DST: variants seen among roughly 807,000 people sequenced by gnomAD.
The protein encoded by DST is bullous pemphigoid antigen.
In DST, 253 loss-of-function variants were observed where a neutral mutation model predicts 875.2. That is an observed-to-expected ratio of 0.29 (90% CI 0.26 to 0.32). The LOEUF is 0.32. Among genes scored for constraint, DST ranks in the 10% least tolerant of loss-of-function variants. The pLI is 1.00. For synonymous variants in DST, 3,124 were observed against 3,197.1 expected, an observed-to-expected ratio of 0.98 and a Z score of 0.77; for missense variants, 8,287 against 9,111.6, an observed-to-expected ratio of 0.91 and a Z score of 3.68.
chr6:56,689,268 C>T lies in DST; in HGVS notation c.1047+10385G>A, dbSNP rs1443868630. Among the ~76,000 whole-genome samples the T allele has an allele frequency of 3.3e-5, 5 of 152,086 alleles. No individual in the cohort carries two copies. The East Asian group carries it at 9.6e-4, about 29-fold the overall frequency. ...TATCCTCCTTTTATAGAAAATGAAACTGAGACCTAGAGAAATAAAGAAGAC... is the reference window on the plus strand; with the variant it reads ...TATCCTCCTTTTATAGAAAATGAAATTGAGACCTAGAGAAATAAAGAAGAC... On this transcript the variant is annotated intron_variant, in intron 9 of 103. Coordinates refer to ENST00000680361, the MANE Select transcript of DST (RefSeq NM_001374736.1).
chr6:56,716,882 T>C (rs2099396339), intron 5 of DST, among the ~76,000 whole-genome samples: 1 of 152,104 alleles, frequency 6.6e-6, no homozygotes, highest in African/African-American at 2.4e-5. Context: ...GTTCGATTCT[T>C]ATAACAAGCA....
At chr6:56,593,516 CAA>C (rs58251502) in intron 48 of DST, 145 bp downstream of exon 48, 1,802 of 316,510 alleles carry the variant, frequency 5.7e-3, no homozygotes, top group South Asian at 0.012. Context: ...GACTCCTTCT[CAA>C]AAAAAAAAAA....
intron 49 of DST, among the ~76,000 whole-genome samples, chr6:56,585,131 C>T (rs1237828407): frequency 3.1e-4 from 46 of 150,550 alleles, no homozygotes; most frequent in Non-Finnish European, 6.1e-4. Flanking sequence ...GGAGGATTCC[C>T]TCTTTTTCTA....
intron 5 of DST, among the ~76,000 whole-genome samples, chr6:56,724,345 A>G (rs1022618414): frequency 6.6e-6 from 1 of 152,242 alleles, no homozygotes; most frequent in Non-Finnish European, 1.5e-5. Flanking sequence ...AACTGTACTT[A>G]AATCTAAGAT....
chr6:56,780,222 G>A (rs375827892), intron 4 of DST, among the ~76,000 whole-genome samples: 1 of 151,746 alleles, frequency 6.6e-6, no homozygotes, highest in Non-Finnish European at 1.5e-5. Context: ...ATGATTTATA[G>A]TCCTTTGGGT....
chr6:56,525,581 A>G (rs897482943), intron 69 of DST, among the ~76,000 whole-genome samples: 1 of 152,208 alleles, frequency 6.6e-6, no homozygotes, highest in African/African-American at 2.4e-5. Context: ...ATACTAGTAA[A>G]AGCTTAGTCA....
At chr6:56,779,609 C>T (rs1314162966) in intron 4 of DST, among the ~76,000 whole-genome samples, 1 of 151,914 alleles carries the variant, frequency 6.6e-6, no homozygotes, top group Non-Finnish European at 1.5e-5. Context: ...ATATAGCTAG[C>T]CAGTTTTCCC....
chr6:56,637,444 T>A (rs1023803005), intron 22 of DST, among the ~76,000 whole-genome samples: 2 of 152,168 alleles, frequency 1.3e-5, no homozygotes, highest in South Asian at 4.1e-4. Context: ...TTTCTCTGAA[T>A]TTTTACGGTG....
At chr6:56,939,660 AT>A (rs907110485) in intron 2 of DST, among the ~76,000 whole-genome samples, 1 of 152,126 alleles carries the variant, frequency 6.6e-6, no homozygotes, top group South Asian at 2.1e-4. Flanking sequence ...CTGTTTTTGC[AT>A]TTTTTTATTT....
chr6:56,707,507 A>G (rs1445267510), intron 5 of DST, among the ~76,000 whole-genome samples: 1 of 152,212 alleles, frequency 6.6e-6, no homozygotes. Flanking sequence ...CTCAGTACAC[A>G]GAAGGACAGT....
intron 3 of DST, among the ~76,000 whole-genome samples, chr6:56,888,020 G>A (rs545319589): frequency 1.3e-5 from 2 of 149,716 alleles, no homozygotes; most frequent in African/African-American, 2.5e-5. Context: ...GTGCGATCTC[G>A]GCTCACTGCA....
At chr6:56,671,401 A>T (rs2099100850) in intron 9 of DST, among the ~76,000 whole-genome samples, 1 of 152,240 alleles carries the variant, frequency 6.6e-6, no homozygotes, top group Admixed American at 6.5e-5. Context: ...TGAAAGAAAT[A>T]GTATTCTCTC....
intron 58 of DST, 99 bp from the exon 59 acceptor site, chr6:56,557,617 G>T: frequency 3.4e-6 from 3 of 893,322 alleles, no homozygotes; most frequent in South Asian, 1.8e-5. Flanking sequence ...GATATATAAT[G>T]GCTATAATCC....
chr6:56,601,355 C>A, intron 44 of DST, 88 bp downstream of exon 44: 1 of 820,630 alleles, frequency 1.2e-6, no homozygotes, highest in East Asian at 2.7e-5. Flanking sequence ...TCCAGAAAAT[C>A]TTTCCTGTCA....
At chr6:56,622,569 C>CA (rs61514901) in intron 36 of DST, among the ~76,000 whole-genome samples, 2,548 of 65,666 alleles carry the variant, frequency 0.039, 208 homozygotes, top group Non-Finnish European at 0.057. Flanking sequence ...AGATCCGTCT[C>CA]AAAAAAAAAA....
chr6:56,794,970 A>T (rs1299543134), intron 4 of DST, among the ~76,000 whole-genome samples: 2 of 152,208 alleles, frequency 1.3e-5, no homozygotes, highest in Non-Finnish European at 2.9e-5. Context: ...CCACACAGAT[A>T]GCGAGTCCAT....
chr6:56,884,332 C>T (rs1783629142), intron 3 of DST, among the ~76,000 whole-genome samples: 1 of 152,146 alleles, frequency 6.6e-6, no homozygotes, highest in African/African-American at 2.4e-5. Flanking sequence ...TTTCCCACAC[C>T]TCAACTTAGC....
Position 56,608,420 on chromosome 6 carries a change from C to G in DST, c.6208G>C (p.Val2070Leu), listed in dbSNP as rs1459716241. The change falls in exon 40 of 104, where the codon GTT (valine) becomes CTT (leucine). Residue 2070 changes from valine (V) to leucine (L), a missense_variant. Val to Leu is a conservative substitution (Grantham distance 32). Coordinates refer to ENST00000680361, the MANE Select transcript of DST (RefSeq NM_001374736.1). ...LLVLEAQRGYVGLIWPHSGEI... is the reference protein window; with the variant it reads ...LLVLEAQRGYLGLIWPHSGEI... ...CCAGAATGGGGCCAAATGAGTCCAA[C>G]ATAGCCTCGCTGAGCTTCCAGGACC... The G allele has an allele frequency of 6.2e-7, 1 of 1,613,732 alleles. No individual in the cohort carries two copies. Among genetic ancestry groups the G allele is most frequent in the East Asian group, 2.2e-5 (1 of 44,880 alleles).
chr6:56,632,419 T>C (rs1437023845), intron 28 of DST, among the ~76,000 whole-genome samples: 1 of 152,048 alleles, frequency 6.6e-6, no homozygotes, highest in African/African-American at 2.4e-5. Context: ...TTTTAAAAAA[T>C]AGAATATTAC....
Sources: allele counts gnomAD v4.1 joint callset (sites outside exome capture counted in the v4.1 genomes callset), GRCh38; gene constraint gnomAD v4.1.1; transcripts MANE v1.5; gene names NCBI Gene and HGNC (gene_info 2026-07-23, HGNC 2026-07-21).